PIEZO2: variants seen among roughly 807,000 people sequenced by gnomAD.
PIEZO2 encodes piezo type mechanosensitive ion channel component 2, also known as piezo-type mechanosensitive ion channel component 2.
Under a neutral mutation model 337.3 loss-of-function variants are expected in PIEZO2, and 172 were observed. The ratio of observed to expected loss-of-function variants is 0.51; its 90% CI spans 0.45 to 0.58. The LOEUF (loss-of-function observed/expected upper bound fraction) is 0.58. Ranked by LOEUF, PIEZO2 falls within the 20% of genes least tolerant of loss-of-function variation. The pLI is 0.00. For synonymous variants in PIEZO2, 1,251 were observed against 1,228.5 expected (o/e 1.02, Z -0.38); for missense variants, 3,028 against 3,391.3 (o/e 0.89, Z 2.66).
intron 21 of PIEZO2, among the ~76,000 whole-genome samples, chr18:10,764,338 C>T (rs2038263730): frequency 6.6e-6 from 1 of 152,152 alleles, no homozygotes; most frequent in Admixed American, 6.5e-5. Context: ...ACCTACTTGG[C>T]TTATAAAACT....
Position 10,940,300 on chromosome 18 carries a change from T to A in PIEZO2, c.287-29072A>T, listed in dbSNP as rs1411611707. ...TAATAAAAATCTAGTGAGCTCTTCCTCTTCACCCTAACAGATTAGCACCTT... is the reference window on the plus strand; with the variant it reads ...TAATAAAAATCTAGTGAGCTCTTCCACTTCACCCTAACAGATTAGCACCTT... On this transcript the variant is annotated intron_variant, in intron 3 of 55. Transcript: ENST00000674853. The surrounding 1 kb of genome is among the most constrained non-coding windows in gnomAD (Gnocchi z 5.3). 6.6e-6 allele frequency among the ~76,000 whole-genome samples: 1 copy of A among 152,258 alleles called. No individual in the cohort carries two copies. The highest frequency in any genetic ancestry group is 1.5e-5 in the Non-Finnish European group (1 of 68,050).
In PIEZO2 at chr18:10,680,275, T is replaced by A. The variant is rs2034206593; in HGVS notation, c.7876A>T (p.Ser2626Cys). ...AGTTCGTGTATCATTTTCTGCTTACTGGGTGGGCTGATGGTCCACAAAGAA... is the reference window on the plus strand; with the variant it reads ...AGTTCGTGTATCATTTTCTGCTTACAGGGTGGGCTGATGGTCCACAAAGAA... ...SNSLWTISPPSKQKMIHELLD... is the reference protein window; with the variant it reads ...SNSLWTISPPCKQKMIHELLD... Residue 2626 changes from serine (S) to cysteine (C), a missense_variant, in exon 52 of 56, where the codon AGT becomes TGT. Physicochemically the swap from Ser to Cys is moderately radical, Grantham distance 112. Coordinates refer to ENST00000674853, the MANE Select transcript of PIEZO2 (RefSeq NM_001378183.1). The A allele has an allele frequency of 6.2e-7, 1 of 1,613,960 alleles. No individual in the cohort carries two copies. The highest frequency in any genetic ancestry group is 8.5e-7 in the Non-Finnish European group (1 of 1,179,922).
rs1344865271 is a variant in PIEZO2, at chr18:10,762,916, G to A, written c.3123+6C>T. 7 of 1,535,862 alleles carry A rather than the reference G, an allele frequency of 4.6e-6. No individual in the cohort carries two copies. In the East Asian group the frequency reaches 9.8e-5, roughly 21 times the overall value. On this transcript the variant is annotated splice_donor_region_variant and intron_variant, in intron 22 of 55. Coordinates refer to ENST00000674853, the MANE Select transcript of PIEZO2 (RefSeq NM_001378183.1). ...TCAGGAATATTCCCCCATCACCGAG[G>A]CTCACCAAGGAACAGTTAACAGAGA...
chr18:10,840,259 T>A (rs570814441), intron 7 of PIEZO2, among the ~76,000 whole-genome samples: 1 of 152,372 alleles, frequency 6.6e-6, no homozygotes, highest in East Asian at 1.9e-4. Flanking sequence ...TAAGAATTTT[T>A]AATTTATTTT....
Position 10,969,152 on chromosome 18 carries a change from GA to G in PIEZO2, c.286+10382del, listed in dbSNP as rs2034135518. On this transcript the variant is annotated intron_variant, in intron 3 of 55. Coordinates refer to ENST00000674853, the MANE Select transcript of PIEZO2 (RefSeq NM_001378183.1). This position sits in a 1 kb window ranked among gnomAD's most constrained non-coding sequence, Gnocchi z 4.5. ...TGTCCTTCCATATTCCATAAATTTG[GA>G]AACATACAGTTATAGCTTTACATTG... 1.3e-5 allele frequency among the ~76,000 whole-genome samples: 2 copies of G among 152,110 alleles called. No individual in the cohort carries two copies. Among genetic ancestry groups the G allele is most frequent in the Non-Finnish European group, 2.9e-5 (2 of 68,022 alleles).
In PIEZO2 at chr18:10,953,931, GGAACT is replaced by G. The variant is rs1339458003; in HGVS notation, c.286+25599_286+25603del. On this transcript the variant is annotated intron_variant, in intron 3 of 55. Coordinates refer to ENST00000674853, the MANE Select transcript of PIEZO2 (RefSeq NM_001378183.1). The surrounding 1 kb of genome is among the most constrained non-coding windows in gnomAD (Gnocchi z 5.2). ...TGTTTTAATGATTTGCGGCTGGCAG[GGAACT>G]GAAGTCTGTCAGATTGAGGACCAGG... Among the ~76,000 whole-genome samples the G allele has an allele frequency of 6.6e-6, 1 of 152,154 alleles. No homozygotes were observed. Among genetic ancestry groups the G allele is most frequent in the Non-Finnish European group, 1.5e-5 (1 of 68,030 alleles).
At chr18:10,910,390 C>T (rs1317330607) in intron 4 of PIEZO2, among the ~76,000 whole-genome samples, 3 of 152,162 alleles carry the variant, frequency 2.0e-5, no homozygotes, top group Admixed American at 6.5e-5. Flanking sequence ...CAAGACCAGT[C>T]TGGCCAACAT....
Position 10,824,017 on chromosome 18 carries a change from T to G in PIEZO2, c.918-16743A>C, listed in dbSNP as rs991184216. Among the ~76,000 whole-genome samples the G allele has an allele frequency of 6.6e-6, 1 of 152,224 alleles. No individual in the cohort carries two copies. Among genetic ancestry groups the G allele is most frequent in the African/African-American group, 2.4e-5 (1 of 41,456 alleles). On this transcript the variant is annotated intron_variant, in intron 7 of 55. Coordinates refer to ENST00000674853, the MANE Select transcript of PIEZO2 (RefSeq NM_001378183.1). The surrounding 1 kb of genome is among the most constrained non-coding windows in gnomAD (Gnocchi z 4.4). Reference sequence around the variant, plus strand: ...TCCTCAAGCCTTATCCTAAGGTCAGTGTATATCATTCCCATGAATATTTAA... The same window carrying G: ...TCCTCAAGCCTTATCCTAAGGTCAGGGTATATCATTCCCATGAATATTTAA...
chr18:10,933,230 C>T (rs467400), intron 3 of PIEZO2, among the ~76,000 whole-genome samples: 97,470 of 151,946 alleles, frequency 0.64, 32,053 homozygotes, highest in African/African-American at 0.79. Flanking sequence ...AGATACCTAG[C>T]TTTTTCCTTA....
chr18:10,983,768 C>G (rs972175580), intron 2 of PIEZO2, among the ~76,000 whole-genome samples: 7 of 152,136 alleles, frequency 4.6e-5, no homozygotes, highest in Non-Finnish European at 8.8e-5. Context: ...TGTGCATGGC[C>G]TGCACAAGCT....
In PIEZO2 at chr18:10,727,898, A is replaced by G. The variant is rs1280950650; in HGVS notation, c.5029+3509T>C. 6.6e-6 allele frequency: 1 copy of G among 152,120 alleles called. No individual in the cohort carries two copies. Among genetic ancestry groups the G allele is most frequent in the African/African-American group, 2.4e-5 (1 of 41,404 alleles). The allele number at this position is 152,120 out of a possible 1,614,324, so 9.4% of individuals were successfully genotyped here. A position where few individuals can be genotyped will look rare whatever the true frequency, so the allele number is the denominator to read the frequency against. The stretch of plus-strand genomic sequence containing the variant: ...GCGCCTTTTGTGTAAGTTACTGGTC[A>G]GAATCCTCACTGAGCTCCCAGTCCA... On this transcript the variant is annotated intron_variant, in intron 36 of 55. Transcript: ENST00000674853. This position sits in a 1 kb window ranked among gnomAD's most constrained non-coding sequence, Gnocchi z 6.3.
intron 4 of PIEZO2, among the ~76,000 whole-genome samples, chr18:10,902,506 G>T (rs900941110): frequency 3.3e-5 from 5 of 152,102 alleles, no homozygotes; most frequent in South Asian, 4.1e-4. Flanking sequence ...AAAACTTTCT[G>T]TTTATATGTC....
At chr18:11,039,385 T>C (rs2037034333) in intron 2 of PIEZO2, among the ~76,000 whole-genome samples, 1 of 152,182 alleles carries the variant, frequency 6.6e-6, no homozygotes, top group African/African-American at 2.4e-5. Flanking sequence ...TCCAAGATAT[T>C]AGAGACATCG....
At chr18:10,721,666 C>T (rs2036316395) in intron 36 of PIEZO2, among the ~76,000 whole-genome samples, 1 of 151,970 alleles carries the variant, frequency 6.6e-6, no homozygotes, top group Admixed American at 6.6e-5. Flanking sequence ...GTGGCATTGA[C>T]TCAAAGCGAG....
chr18:10,985,652 T>C (rs769068531), intron 2 of PIEZO2, among the ~76,000 whole-genome samples: 1 of 152,112 alleles, frequency 6.6e-6, no homozygotes, highest in Admixed American at 6.6e-5. Context: ...CTGAAAAAGA[T>C]TGTTTTAGCT....
chr18:10,812,275 A>C (rs2040217744), intron 7 of PIEZO2, among the ~76,000 whole-genome samples: 2 of 152,232 alleles, frequency 1.3e-5, no homozygotes, highest in African/African-American at 4.8e-5. Flanking sequence ...ACTACGAATA[A>C]AAATTCATTC....
At position 10,671,362 on chromosome 18, in the gene PIEZO2, G is replaced by T; in HGVS notation, c.*165C>A. The T allele has an allele frequency of 1.5e-6, 1 of 676,488 alleles. No individual in the cohort carries two copies. The highest frequency in any genetic ancestry group is 2.3e-6 in the Non-Finnish European group (1 of 428,652). 41.9% of individuals were successfully genotyped at this position (676,488 alleles called of 1,614,324 possible). On this transcript the variant is annotated 3_prime_UTR_variant, in exon 56 of 56. Coordinates refer to ENST00000674853, the MANE Select transcript of PIEZO2 (RefSeq NM_001378183.1). ...AACATTTTCAACAGTGCCTTAACTT[G>T]CAAGGTAGCTTTTACTGCAGAAGGA...
At chr18:10,986,994 T>C (rs1430287213) in intron 2 of PIEZO2, among the ~76,000 whole-genome samples, 1 of 152,018 alleles carries the variant, frequency 6.6e-6, no homozygotes, top group Non-Finnish European at 1.5e-5. Context: ...AGGTGTAAAT[T>C]TGCCAAGGAG....
rs533114488 is a variant in PIEZO2, at chr18:10,781,498, T to C, written c.2493-1132A>G. ...TAAAAAAAAAAACCAGTAATGAATA[T>C]TTAAATAGTCCTTTGTAAATCATTG... is the stretch of plus-strand genomic sequence containing the variant. On this transcript the variant is annotated intron_variant, in intron 17 of 55. Coordinates refer to ENST00000674853, the MANE Select transcript of PIEZO2 (RefSeq NM_001378183.1). The surrounding 1 kb of genome is among the most constrained non-coding windows in gnomAD (Gnocchi z 4.1). 2.6e-5 allele frequency among the ~76,000 whole-genome samples: 4 copies of C among 151,938 alleles called. No homozygotes were observed. Among genetic ancestry groups the C allele is most frequent in the African/African-American group, 9.6e-5 (4 of 41,474 alleles).
Sources: allele counts gnomAD v4.1 joint callset (sites outside exome capture counted in the v4.1 genomes callset), GRCh38; gene constraint gnomAD v4.1.1; non-coding constraint Gnocchi (gnomAD v3.1); transcripts MANE v1.5; gene names NCBI Gene and HGNC (gene_info 2026-07-23, HGNC 2026-07-21).